The following AOX1 variants were observed in gnomAD, a reference collection of about 807,000 sequenced individuals.
AOX1 encodes the protein aldehyde oxidase 1, also known as aldehyde oxidase.
AOX1 carries 153 observed loss-of-function variants against 169.5 expected under a neutral mutation model. The observed-to-expected ratio is 0.90, with a 90% CI of 0.79 to 1.03. The LOEUF is 1.03. AOX1 is among the 50% of genes least tolerant of loss of function. AOX1 has a pLI of 0.00. For missense variants in AOX1, 1,656 were observed against 1,663.9 expected, an observed-to-expected ratio of 1.00 and a Z score of 0.08; for synonymous variants, 562 against 581.9, an observed-to-expected ratio of 0.97 and a Z score of 0.49.
At chr2:200,622,231 A>G (rs1268148025) in intron 18 of AOX1, among the ~76,000 whole-genome samples, 1 of 152,238 alleles carries the variant, frequency 6.6e-6, no homozygotes, top group African/African-American at 2.4e-5. Context: ...TCTTCCACCT[A>G]GTATAAATTC....
chr2:200,674,270 G>A (rs186961743), downstream of AOX1, among the ~76,000 whole-genome samples: 4 of 152,266 alleles, frequency 2.6e-5, no homozygotes, highest in African/African-American at 9.6e-5. Flanking sequence ...AGTGTTGGCA[G>A]TATAGACCCT....
At chr2:200,641,640 A>G (rs778350652) in intron 24 of AOX1, among the ~76,000 whole-genome samples, 2 of 151,638 alleles carry the variant, frequency 1.3e-5, no homozygotes, top group African/African-American at 2.4e-5. Flanking sequence ...CGATCCTCCC[A>G]CCTCAGCCTC....
At chr2:200,590,778 C>T (rs978566820) in intron 1 of AOX1, among the ~76,000 whole-genome samples, 5 of 152,140 alleles carry the variant, frequency 3.3e-5, no homozygotes, top group South Asian at 2.1e-4. Context: ...TCCATTAAAA[C>T]GGGGCTTCTA....
intron 29 of AOX1, among the ~76,000 whole-genome samples, chr2:200,660,716 GT>G (rs1465945154): frequency 6.6e-6 from 1 of 152,224 alleles, no homozygotes; most frequent in Non-Finnish European, 1.5e-5. Context: ...TAGAATGTCA[GT>G]TTTTGCAACC....
chr2:200,599,834 G>A, intron 5 of AOX1, 88 bp downstream of exon 5: 1 of 1,130,084 alleles, frequency 8.8e-7, no homozygotes, highest in Non-Finnish European at 1.1e-6. Context: ...GCCCGGGCTG[G>A]AGGGCGGCGG....
intron 28 of AOX1, 151 bp downstream of exon 28, chr2:200,659,444 C>A: frequency 1.2e-6 from 1 of 804,192 alleles, no homozygotes; most frequent in Non-Finnish European, 1.9e-6. Flanking sequence ...CAGTGGTTCT[C>A]CTGTGCTGGA....
At chr2:200,680,109 T>A (rs576211227), downstream of AOX1, among the ~76,000 whole-genome samples, 21 of 152,144 alleles carry the variant, frequency 1.4e-4, no homozygotes, top group Non-Finnish European at 1.5e-5. Context: ...GATAATAAAA[T>A]AAAATGAGAA....
downstream of AOX1, among the ~76,000 whole-genome samples, chr2:200,675,978 G>GT (rs1167603582): frequency 6.6e-6 from 1 of 151,550 alleles, no homozygotes; most frequent in Non-Finnish European, 1.5e-5. Context: ...AGCATGAATA[G>GT]TTTGAGTTCA....
intron 24 of AOX1, among the ~76,000 whole-genome samples, chr2:200,642,070 A>G (rs2035363530): frequency 6.6e-6 from 1 of 152,110 alleles, no homozygotes; most frequent in Non-Finnish European, 1.5e-5. Flanking sequence ...CAGAGGTTGC[A>G]GTGAGCCGAG....
chr2:200,618,825 A>G (rs1485079746), intron 16 of AOX1, among the ~76,000 whole-genome samples: 1 of 152,222 alleles, frequency 6.6e-6, no homozygotes, highest in African/African-American at 2.4e-5. Context: ...GATTAGATGA[A>G]TTAAATCCAA....
intron 14 of AOX1, 65 bp from the exon 15 acceptor site, chr2:200,613,739 C>A: frequency 6.9e-7 from 1 of 1,459,458 alleles, no homozygotes; most frequent in South Asian, 1.3e-5. Flanking sequence ...TTGTCTTACC[C>A]ATTAGATGAA....
At chr2:200,620,022 T>C (rs181695935) in intron 16 of AOX1, among the ~76,000 whole-genome samples, 3 of 152,284 alleles carry the variant, frequency 2.0e-5, no homozygotes, top group Admixed American at 2.0e-4. Context: ...CATAATTTTG[T>C]ATTGTCAAGA....
chr2:200,635,642 C>T (rs1266034064), intron 21 of AOX1, among the ~76,000 whole-genome samples: 1 of 152,172 alleles, frequency 6.6e-6, no homozygotes, highest in Non-Finnish European at 1.5e-5. Context: ...TATTTTCTCA[C>T]CTCTTCTGCA....
Position 200,676,614 on chromosome 2 carries a change from A to AAAAGAAG in AOX1, c.487-262_487-261insAGAAGAA, listed in dbSNP as rs1553582555. Among the ~76,000 whole-genome samples, 6 of 148,460 alleles carry AAAAGAAG rather than the reference A, an allele frequency of 4.0e-5. No individual in the cohort carries two copies. In the South Asian group the frequency reaches 8.4e-4, roughly 21 times the overall value. ...GACTACATCTCAAAAAAAAAAAAAA[A>AAAAGAAG]AAGAAGAAGAAGAAGAAGAAGAAGA... On this transcript the variant is annotated intron_variant, in intron 4 of 4. Coordinates refer to the AOX1 transcript ENST00000439380.
intron 24 of AOX1, among the ~76,000 whole-genome samples, chr2:200,641,881 A>G (rs1341745420): frequency 2.6e-5 from 4 of 152,016 alleles, no homozygotes; most frequent in Admixed American, 6.5e-5. Context: ...AGTGGCTCAC[A>G]CCTGTAATCC....
intron 1 of AOX1, among the ~76,000 whole-genome samples, chr2:200,586,414 C>T (rs1275269318): frequency 6.6e-6 from 1 of 152,218 alleles, no homozygotes; most frequent in Non-Finnish European, 1.5e-5. Context: ...TTCCAAGGCT[C>T]ACAAGCTGAT....
chr2:200,594,829 G>A (rs889238647), intron 2 of AOX1, among the ~76,000 whole-genome samples: 1 of 152,184 alleles, frequency 6.6e-6, no homozygotes, highest in Non-Finnish European at 1.5e-5. Context: ...CAGCTTTTGC[G>A]ACTGAAAGGC....
chr2:200,647,262 G>A (rs1161928534), intron 25 of AOX1, among the ~76,000 whole-genome samples: 3 of 152,194 alleles, frequency 2.0e-5, no homozygotes, highest in African/African-American at 7.2e-5. Flanking sequence ...GCTTTTAGCA[G>A]TTCTTGTAGT....
At chr2:200,648,987 CT>C (rs2035523503) in intron 25 of AOX1, among the ~76,000 whole-genome samples, 1 of 152,070 alleles carries the variant, frequency 6.6e-6, no homozygotes, top group African/African-American at 2.4e-5. Flanking sequence ...GTGTGATGGG[CT>C]TGAAAACTTG....
Sources: allele counts gnomAD v4.1 joint callset (sites outside exome capture counted in the v4.1 genomes callset), GRCh38; gene constraint gnomAD v4.1.1; transcripts MANE v1.5; gene names NCBI Gene and HGNC (gene_info 2026-07-23, HGNC 2026-07-21).